The following OTOGL variants were observed in gnomAD, a reference collection of about 807,000 sequenced individuals.
The protein encoded by OTOGL is otogelin-like protein.
OTOGL carries 285 observed loss-of-function variants against 318.5 expected under a neutral mutation model. The observed-to-expected ratio is 0.89, with a 90% CI of 0.81 to 0.99. OTOGL has a LOEUF of 0.99. Ranked by LOEUF, OTOGL falls within the 50% of genes least tolerant of loss-of-function variation. The pLI is 0.00. For synonymous variants in OTOGL, 987 were observed against 936.5 expected, an observed-to-expected ratio of 1.05 and a Z score of -0.99; for missense variants, 2,899 against 2,845.6, an observed-to-expected ratio of 1.02 and a Z score of -0.43.
intron 19 of OTOGL, among the ~76,000 whole-genome samples, chr12:80,264,222 A>G (rs747099518): frequency 2.0e-5 from 3 of 151,950 alleles, no homozygotes; most frequent in Admixed American, 6.6e-5. Flanking sequence ...TTTCAGAAAG[A>G]TGGAATCTGA....
Position 80,247,130 on chromosome 12 carries a change from A to AT in OTOGL, c.1053-4557dup, listed in dbSNP as rs1372486259. Among the ~76,000 whole-genome samples the AT allele has an allele frequency of 1.1e-4, 15 of 142,388 alleles. 1 individual carries two copies. Among genetic ancestry groups the AT allele is most frequent in the African/African-American group, 4.3e-4 (15 of 35,044 alleles). The allele number at this position is 142,388 out of a possible 152,430, so 93.4% of individuals were successfully genotyped here. On this transcript the variant is annotated intron_variant, in intron 11 of 58. Transcript: ENST00000547103. ...AAAAAACCAGCTCCTGGATTCATTG[A>AT]TTTTTTGAAGGGTTTTTTGTGTCTC...
intron 35 of OTOGL, among the ~76,000 whole-genome samples, chr12:80,327,770 T>G (rs1887777707): frequency 6.6e-6 from 1 of 151,052 alleles, no homozygotes; most frequent in Non-Finnish European, 1.5e-5. Flanking sequence ...CCATCCTGGC[T>G]AACATGGTGA....
At chr12:80,208,917 AG>A (rs1341226966) in intron 1 of OTOGL, among the ~76,000 whole-genome samples, 1 of 152,202 alleles carries the variant, frequency 6.6e-6, no homozygotes, top group East Asian at 1.9e-4. Context: ...TAATTCCTAA[AG>A]AAAACTTTTA....
chr12:80,211,730 T>C (rs1272613623), intron 3 of OTOGL, among the ~76,000 whole-genome samples: 1 of 152,130 alleles, frequency 6.6e-6, no homozygotes, highest in Non-Finnish European at 1.5e-5. Context: ...CTGGAGAAAT[T>C]TGGGGACACT....
At chr12:80,366,232 A>G in intron 52 of OTOGL, 1 of 415,970 alleles carries the variant, frequency 2.4e-6, no homozygotes, top group Non-Finnish European at 4.9e-6. Flanking sequence ...TAACCACTGT[A>G]CTATACTCAT....
At chr12:80,347,331 C>A (rs1413656334) in intron 44 of OTOGL, among the ~76,000 whole-genome samples, 3 of 151,966 alleles carry the variant, frequency 2.0e-5, no homozygotes, top group Non-Finnish European at 2.9e-5. Flanking sequence ...TATGATGTTC[C>A]CCTCCCTGTG....
At chr12:80,152,562 G>C (rs1872850256) in intron 1 of OTOGL, among the ~76,000 whole-genome samples, 1 of 152,184 alleles carries the variant, frequency 6.6e-6, no homozygotes. Flanking sequence ...GAGTAAAACA[G>C]TCTATGGATG....
chr12:80,253,430 C>G lies in OTOGL; in HGVS notation c.1286-36C>G, dbSNP rs1439257055. The G allele has an allele frequency of 3.3e-6, 5 of 1,525,078 alleles. No homozygotes were observed. The East Asian group carries it at 1.1e-4, about 34-fold the overall frequency. The allele number at this position is 1,525,078 out of a possible 1,614,324, so 94.5% of individuals were successfully genotyped here. A position where few individuals can be genotyped will look rare whatever the true frequency, so the allele number is the denominator to read the frequency against. On this transcript the variant is annotated intron_variant, in intron 13 of 58. Coordinates refer to ENST00000547103, the MANE Select transcript of OTOGL (RefSeq NM_001378609.3). ...TCCAGAAATACAATCTTTATTATTTCTTTTGAAATTTTGATGTGTATTTCT... is the reference window on the plus strand; with the variant it reads ...TCCAGAAATACAATCTTTATTATTTGTTTTGAAATTTTGATGTGTATTTCT...
At chr12:80,146,818 T>C (rs1047739406) in intron 1 of OTOGL, among the ~76,000 whole-genome samples, 1 of 151,496 alleles carries the variant, frequency 6.6e-6, no homozygotes, top group Non-Finnish European at 1.5e-5. Flanking sequence ...TTTATCCATT[T>C]CTTCTAGATT....
chr12:80,116,632 T>C (rs564416782), intron 1 of OTOGL, among the ~76,000 whole-genome samples: 72 of 152,122 alleles, frequency 4.7e-4, no homozygotes, highest in Non-Finnish European at 6.8e-4. Flanking sequence ...AGGCAAAAGC[T>C]TAGATGAAAT....
At chr12:80,190,295 T>C (rs1295291877) in intron 1 of OTOGL, among the ~76,000 whole-genome samples, 1 of 152,200 alleles carries the variant, frequency 6.6e-6, no homozygotes, top group African/African-American at 2.4e-5. Context: ...AGCACAATTT[T>C]AAAATATTTT....
At chr12:80,122,565 A>G (rs1870548319) in intron 1 of OTOGL, among the ~76,000 whole-genome samples, 1 of 152,188 alleles carries the variant, frequency 6.6e-6, no homozygotes, top group Non-Finnish European at 1.5e-5. Flanking sequence ...TCAGAAGATA[A>G]TTTCTTTTCA....
Position 80,342,394 on chromosome 12 carries a change from G to GA in OTOGL, c.5265+240dup, listed in dbSNP as rs200002548. Reference sequence around the variant, plus strand: ...GTTAGAATTATATCTACAGCTTTCAGAAAAAAAATGAAAGTTTGTCCTATG... The same window carrying GA: ...GTTAGAATTATATCTACAGCTTTCAGAAAAAAAAATGAAAGTTTGTCCTATG... On this transcript the variant is annotated intron_variant, in intron 44 of 58. Coordinates refer to ENST00000547103, the MANE Select transcript of OTOGL (RefSeq NM_001378609.3). 0.02 allele frequency among the ~76,000 whole-genome samples: 3,061 copies of GA among 151,810 alleles called. 59 individuals are homozygous for GA. Among genetic ancestry groups the GA allele is most frequent in the South Asian group, 0.053 (254 of 4,810 alleles).
In OTOGL at chr12:80,197,454, G is replaced by A. The variant is rs56229448; in HGVS notation, c.-19-11959G>A. 2.1e-4 allele frequency among the ~76,000 whole-genome samples: 32 copies of A among 152,226 alleles called. 1 individual carries two copies. In the South Asian group the frequency reaches 6.2e-3, roughly 30 times the overall value. On this transcript the variant is annotated intron_variant, in intron 1 of 58. Coordinates refer to ENST00000547103, the MANE Select transcript of OTOGL (RefSeq NM_001378609.3). ...TTGGCCAGGCTGGTCTTGAACTCCC[G>A]ACCTCAAGTCTCCCAAAGTGCTGAG...
intron 57 of OTOGL, among the ~76,000 whole-genome samples, chr12:80,372,713 G>A (rs1890954120): frequency 6.6e-6 from 1 of 151,384 alleles, no homozygotes; most frequent in Non-Finnish European, 1.5e-5. Context: ...TAGTGAGACG[G>A]AGTTTTGCTC....
intron 8 of OTOGL, among the ~76,000 whole-genome samples, chr12:80,229,895 C>G (rs1397030483): frequency 6.6e-6 from 1 of 151,734 alleles, no homozygotes; most frequent in East Asian, 1.9e-4. Context: ...TGCCTGGCCT[C>G]GAATAGATCA....
intron 16 of OTOGL, among the ~76,000 whole-genome samples, chr12:80,256,102 A>G (rs1366161995): frequency 6.6e-6 from 1 of 152,098 alleles, no homozygotes; most frequent in African/African-American, 2.4e-5. Flanking sequence ...ATAAAGTTAT[A>G]TTTTATTAGG....
intron 1 of OTOGL, among the ~76,000 whole-genome samples, chr12:80,180,851 T>C (rs1230317811): frequency 6.6e-6 from 1 of 152,116 alleles, no homozygotes; most frequent in Non-Finnish European, 1.5e-5. Context: ...CAATGATCCA[T>C]CCCCTTTTTG....
intron 4 of OTOGL, among the ~76,000 whole-genome samples, chr12:80,214,456 T>C (rs1176080838): frequency 6.6e-6 from 1 of 152,162 alleles, no homozygotes; most frequent in African/African-American, 2.4e-5. Flanking sequence ...TCTTTTCTGC[T>C]TGGACTCTGC....
Sources: allele counts gnomAD v4.1 joint callset (sites outside exome capture counted in the v4.1 genomes callset), GRCh38; gene constraint gnomAD v4.1.1; transcripts MANE v1.5; gene names NCBI Gene and HGNC (gene_info 2026-07-23, HGNC 2026-07-21).